The following HDAC4 variants were observed in gnomAD, a reference collection of about 807,000 sequenced individuals.
HDAC4 encodes the protein histone deacetylase 4, also known as histone deacetylase A.
Under a neutral mutation model 135.1 loss-of-function variants are expected in HDAC4, and 16 were observed. That is an observed-to-expected ratio of 0.12 (90% confidence interval 0.08 to 0.18). The LOEUF is 0.18. Ranked by LOEUF, HDAC4 falls within the 10% of genes least tolerant of loss-of-function variation. HDAC4 has a pLI of 1.00. For missense variants in HDAC4, 1,143 were observed against 1,511.8 expected (o/e 0.76, Z 4.05); for synonymous variants, 685 against 653.4 (o/e 1.05, Z -0.74).
intron 18 of HDAC4, among the ~76,000 whole-genome samples, chr2:239,087,998 G>A (rs1208657039): frequency 6.6e-6 from 1 of 152,222 alleles, no homozygotes; most frequent in Non-Finnish European, 1.5e-5. Context: ...GGCCACTGGA[G>A]GAAGATGAAG....
chr2:239,371,467 GCACT>G (rs1343151229), intron 1 of HDAC4, among the ~76,000 whole-genome samples: 1 of 151,666 alleles, frequency 6.6e-6, no homozygotes, highest in East Asian at 1.9e-4. Context: ...TCACACCCAG[GCACT>G]CACACACACT....
intron 7 of HDAC4, among the ~76,000 whole-genome samples, chr2:239,150,340 CAG>C (rs1488638191): frequency 6.6e-6 from 1 of 151,744 alleles, no homozygotes; most frequent in Non-Finnish European, 1.5e-5. Flanking sequence ...GATACAGAAA[CAG>C]ATACACAGAA....
intron 1 of HDAC4, among the ~76,000 whole-genome samples, chr2:239,397,110 A>G (rs760355748): frequency 3.9e-5 from 6 of 152,266 alleles, no homozygotes; most frequent in Non-Finnish European, 8.8e-5. Context: ...TGAACTAGAA[A>G]GGTATTCCAA....
intron 3 of HDAC4, among the ~76,000 whole-genome samples, chr2:239,193,610 A>C (rs923165867): frequency 2.0e-5 from 3 of 152,246 alleles, no homozygotes; most frequent in African/African-American, 4.8e-5. Flanking sequence ...GGGGGAGCCC[A>C]GAGACCAGCC....
chr2:239,210,382 A>G (rs1282511829), intron 3 of HDAC4, among the ~76,000 whole-genome samples: 2 of 152,240 alleles, frequency 1.3e-5, no homozygotes, highest in Non-Finnish European at 2.9e-5. Flanking sequence ...TTCGATTATT[A>G]AAAGCTCGGA....
chr2:239,071,422 C>T (rs1255204212), intron 22 of HDAC4, among the ~76,000 whole-genome samples: 1 of 151,556 alleles, frequency 6.6e-6, no homozygotes, highest in African/African-American at 2.4e-5. Context: ...CCTCAGAAAA[C>T]AAAAAAAGAC....
intron 5 of HDAC4, among the ~76,000 whole-genome samples, chr2:239,172,239 A>G (rs1232705768): frequency 6.6e-6 from 1 of 150,494 alleles, no homozygotes; most frequent in East Asian, 1.9e-4. Flanking sequence ...TTGAAATCCT[A>G]CTGATAATCA....
intron 3 of HDAC4, among the ~76,000 whole-genome samples, chr2:239,201,394 G>A (rs11689823): frequency 0.072 from 10,904 of 152,224 alleles, 499 homozygotes; most frequent in Non-Finnish European, 0.1. Flanking sequence ...CTTCTGCTCC[G>A]GAGTCGATGG....
Position 239,052,807 on chromosome 2 carries a change from C to T in HDAC4, c.*290G>A. On this transcript the variant is annotated 3_prime_UTR_variant, in exon 27 of 27. Coordinates refer to ENST00000543185, the MANE Select transcript of HDAC4 (RefSeq NM_001378414.1). The stretch of plus-strand genomic sequence containing the variant: ...ACAGGCTCCTTTCTTCCACGGCGTC[C>T]CTTGCGGGACCCGCCAGAGTGTGCT... 1 of 458,932 alleles carries T rather than the reference C, an allele frequency of 2.2e-6. No individual in the cohort carries two copies. The highest frequency in any genetic ancestry group is 3.9e-6 in the Non-Finnish European group (1 of 254,568). The allele number at this position is 458,932 out of a possible 1,614,324, so 28.4% of individuals were successfully genotyped here. A position where few individuals can be genotyped will look rare whatever the true frequency, so the allele number is the denominator to read the frequency against.
At chr2:239,292,056 G>A (rs1476225684) in intron 2 of HDAC4, among the ~76,000 whole-genome samples, 1 of 151,898 alleles carries the variant, frequency 6.6e-6, no homozygotes, top group Admixed American at 6.5e-5. Flanking sequence ...CCAGCTCAGG[G>A]CGGCCACACC....
chr2:239,274,156 T>C (rs771291004), intron 2 of HDAC4, among the ~76,000 whole-genome samples: 1 of 152,196 alleles, frequency 6.6e-6, no homozygotes, highest in Admixed American at 6.5e-5. Flanking sequence ...TAATAAAAAA[T>C]GAAAGATAGC....
chr2:239,098,263 G>A (rs3791387), intron 16 of HDAC4, among the ~76,000 whole-genome samples: 32,135 of 152,210 alleles, frequency 0.21, 3,588 homozygotes, highest in East Asian at 0.31. Flanking sequence ...CCCAGGCCAC[G>A]AAACGTTCCA....
At chr2:239,364,244 C>T (rs868754973) in intron 1 of HDAC4, among the ~76,000 whole-genome samples, 21 of 152,222 alleles carry the variant, frequency 1.4e-4, no homozygotes, top group African/African-American at 4.8e-4. Flanking sequence ...GACACGGCAG[C>T]ATTATCTGTA....
At chr2:239,161,179 T>C (rs1339041487) in intron 6 of HDAC4, among the ~76,000 whole-genome samples, 3 of 152,178 alleles carry the variant, frequency 2.0e-5, no homozygotes, top group Non-Finnish European at 4.4e-5. Flanking sequence ...GAGCTCTACA[T>C]TTTGGATACA....
At chr2:239,220,781 C>T (rs144094009) in intron 3 of HDAC4, among the ~76,000 whole-genome samples, 358 of 152,130 alleles carry the variant, frequency 2.4e-3, no homozygotes, top group African/African-American at 8.3e-3. Flanking sequence ...AGATGGGAAA[C>T]GAGCCATATA....
intron 24 of HDAC4, among the ~76,000 whole-genome samples, chr2:239,063,427 A>G (rs1437489679): frequency 6.6e-6 from 1 of 151,610 alleles, no homozygotes; most frequent in Non-Finnish European, 1.5e-5. Context: ...GATGGTCTCG[A>G]TCTCCTGACC....
At chr2:239,379,830 G>A (rs1439119419) in intron 1 of HDAC4, among the ~76,000 whole-genome samples, 1 of 152,220 alleles carries the variant, frequency 6.6e-6, no homozygotes, top group South Asian at 2.1e-4. Context: ...TCACCACAGG[G>A]TCACAGGAAA....
rs2049422422 is a variant in HDAC4, at chr2:239,262,338, T to G, written c.23-25674A>C. On this transcript the variant is annotated intron_variant, in intron 2 of 26. Coordinates refer to ENST00000543185, the MANE Select transcript of HDAC4 (RefSeq NM_001378414.1). This position sits in a 1 kb window ranked among gnomAD's most constrained non-coding sequence, Gnocchi z 4.1. ...ACAATAACACACTTTAGAAACAGAGTAGCAATTTGGTTCTCTGCGGAATCG... is the reference window on the plus strand; with the variant it reads ...ACAATAACACACTTTAGAAACAGAGGAGCAATTTGGTTCTCTGCGGAATCG... Among the ~76,000 whole-genome samples the G allele has an allele frequency of 6.6e-6, 1 of 151,900 alleles. No individual in the cohort carries two copies. Among genetic ancestry groups the G allele is most frequent in the Non-Finnish European group, 1.5e-5 (1 of 67,980 alleles).
At chr2:239,203,087 G>A (rs1017850377) in intron 3 of HDAC4, among the ~76,000 whole-genome samples, 1 of 152,184 alleles carries the variant, frequency 6.6e-6, no homozygotes, top group Non-Finnish European at 1.5e-5. Flanking sequence ...GGGCTCCTGT[G>A]CCATAGGGTG....
Sources: allele counts gnomAD v4.1 joint callset (sites outside exome capture counted in the v4.1 genomes callset), GRCh38; gene constraint gnomAD v4.1.1; non-coding constraint Gnocchi (gnomAD v3.1); transcripts MANE v1.5; gene names NCBI Gene and HGNC (gene_info 2026-07-23, HGNC 2026-07-21).